Variants in TMEM53 observed in about 807,000 individuals in gnomAD.
TMEM53 encodes the protein transmembrane protein 53.
In TMEM53, 14 loss-of-function variants were observed where a neutral mutation model predicts 21.4. The observed-to-expected ratio is 0.65, with a 90% CI of 0.43 to 1.02. The LOEUF is 1.02. TMEM53 is among the 50% of genes least tolerant of loss of function. The pLI is 0.00. For synonymous variants in TMEM53, 148 were observed against 157.4 expected, an observed-to-expected ratio of 0.94 and a Z score of 0.45; for missense variants, 323 against 383.6, an observed-to-expected ratio of 0.84 and a Z score of 1.32.
At chr1:44,665,362 C>T (rs1216981110) in intron 1 of TMEM53, among the ~76,000 whole-genome samples, 1 of 152,044 alleles carries the variant, frequency 6.6e-6, no homozygotes, top group African/African-American at 2.4e-5. Context: ...CTTTGCCGGG[C>T]GCAGTGGCAC....
chr1:44,657,187 T>C (rs1644858350), intron 2 of TMEM53, among the ~76,000 whole-genome samples: 1 of 152,020 alleles, frequency 6.6e-6, no homozygotes, highest in Admixed American at 6.6e-5. Context: ...GAGTGAGACC[T>C]TGAATCTAAA....
At position 44,660,095 on chromosome 1, in the gene TMEM53, C is replaced by T; in HGVS notation, c.183+79G>A. 10 of 1,534,368 alleles carry T rather than the reference C, an allele frequency of 6.5e-6. No homozygotes were observed. The South Asian group carries it at 1.1e-4, about 17-fold the overall frequency. ...CTGGTCTCGAACTCTAGAGGCTGTT[C>T]TTAAAGCCATTCCCAGTCCTGCCTC... is the stretch of plus-strand genomic sequence containing the variant. On this transcript the variant is annotated intron_variant, in intron 2 of 2. Coordinates refer to ENST00000372237, the MANE Select transcript of TMEM53 (RefSeq NM_024587.4).
chr1:44,664,001 A>C (rs2148534115), intron 1 of TMEM53, among the ~76,000 whole-genome samples: 2 of 152,174 alleles, frequency 1.3e-5, no homozygotes, highest in South Asian at 4.2e-4. Context: ...TCTCTATAAA[A>C]ATTAGTTGGG....
intron 2 of TMEM53, 85 bp downstream of exon 2, chr1:44,660,089 G>C: frequency 6.7e-7 from 1 of 1,503,402 alleles, no homozygotes; most frequent in Non-Finnish European, 9.0e-7. Flanking sequence ...AACTCTAGAG[G>C]CTGTTCTTAA....
At chr1:44,659,580 G>A (rs1644880428) in intron 2 of TMEM53, among the ~76,000 whole-genome samples, 1 of 152,236 alleles carries the variant, frequency 6.6e-6, no homozygotes, top group Non-Finnish European at 1.5e-5. Context: ...TCACCTGGTG[G>A]GAAAGGAGGA....
rs1001996735 is a variant in TMEM53, at chr1:44,653,959, A to G, written c.*600T>C. ...TAAATTTTAAGTATCGTACACACTT[A>G]CAATTTTGTTAGGTGATCTTGGCCA... On this transcript the variant is annotated 3_prime_UTR_variant, in exon 3 of 3. Transcript: ENST00000372237. 6.6e-6 allele frequency: 1 copy of G among 152,490 alleles called. No homozygotes were observed. The highest frequency in any genetic ancestry group is 1.5e-5 in the Non-Finnish European group (1 of 68,256). 9.4% of individuals were successfully genotyped at this position (152,490 alleles called of 1,614,324 possible). A position where few individuals can be genotyped will look rare whatever the true frequency, so the allele number is the denominator to read the frequency against.
Position 44,655,252 on chromosome 1 carries a change from G to T in TMEM53, c.184-43C>A. 6.5e-7 allele frequency: 1 copy of T among 1,544,574 alleles called. No individual in the cohort carries two copies. The highest frequency in any genetic ancestry group is 8.7e-7 in the Non-Finnish European group (1 of 1,145,260). On this transcript the variant is annotated intron_variant, in intron 2 of 2. Coordinates refer to ENST00000372237, the MANE Select transcript of TMEM53 (RefSeq NM_024587.4). This position sits in a 1 kb window ranked among gnomAD's most constrained non-coding sequence, Gnocchi z 4.4. Reference sequence around the variant, plus strand: ...GTCAGTCCTCACAGATGAGGTGGGGGTAGTGGGTACAAGCTAAGGTCAGAG... The same window carrying T: ...GTCAGTCCTCACAGATGAGGTGGGGTTAGTGGGTACAAGCTAAGGTCAGAG...
intron 1 of TMEM53, among the ~76,000 whole-genome samples, chr1:44,662,538 T>C (rs1644911189): frequency 6.6e-6 from 1 of 152,038 alleles, no homozygotes; most frequent in African/African-American, 2.4e-5. Flanking sequence ...AGGCTCAGGC[T>C]GCGGCGGCCT....
At chr1:44,661,324 G>A (rs1205582617) in intron 1 of TMEM53, among the ~76,000 whole-genome samples, 5 of 152,140 alleles carry the variant, frequency 3.3e-5, no homozygotes, top group African/African-American at 9.6e-5. Context: ...TCCATCTCCC[G>A]GGTTCAAGCA....
In TMEM53 at chr1:44,654,871, C is replaced by G. The variant is rs2148527846; in HGVS notation, c.522G>C (p.Leu174=). Residue 174 remains leucine (L), a synonymous_variant, in exon 3 of 3, where the codon CTG becomes CTC. Coordinates refer to ENST00000372237, the MANE Select transcript of TMEM53 (RefSeq NM_024587.4). This position sits in a 1 kb window ranked among gnomAD's most constrained non-coding sequence, Gnocchi z 7.0. The stretch of plus-strand genomic sequence containing the variant: ...GGACGACCACCAGGGCAAAGGCCAC[C>G]AGCAGCAACAGGCGCAGCATGGCGG... ...RRAAMLRLLL[L]VAFALVVVLF... 1.2e-6 allele frequency: 2 copies of G among 1,612,694 alleles called. No individual in the cohort carries two copies. Among genetic ancestry groups the G allele is most frequent in the East Asian group, 2.2e-5 (1 of 44,868 alleles).
chr1:44,664,535 G>T (rs1644931325), intron 1 of TMEM53, among the ~76,000 whole-genome samples: 1 of 151,986 alleles, frequency 6.6e-6, no homozygotes, highest in Non-Finnish European at 1.5e-5. Flanking sequence ...ATACGAAACG[G>T]CTTGCTCAGG....
At chr1:44,663,157 G>A (rs892942632) in intron 1 of TMEM53, among the ~76,000 whole-genome samples, 2 of 152,240 alleles carry the variant, frequency 1.3e-5, no homozygotes, top group Admixed American at 6.5e-5. Flanking sequence ...GGGCTCAAGC[G>A]ATCCTTCTAC....
intron 1 of TMEM53, among the ~76,000 whole-genome samples, chr1:44,666,243 T>C (rs962455862): frequency 5.3e-5 from 8 of 152,202 alleles, no homozygotes; most frequent in African/African-American, 1.9e-4. Flanking sequence ...GTGTTGGTTG[T>C]GGATGAAACC....
intron 1 of TMEM53, among the ~76,000 whole-genome samples, chr1:44,661,903 A>G (rs1644905484): frequency 6.6e-6 from 1 of 152,158 alleles, no homozygotes; most frequent in Non-Finnish European, 1.5e-5. Flanking sequence ...TTCCCCTGCA[A>G]AGTGAATACC....
At chr1:44,670,964 C>CG (rs796597664) in intron 1 of TMEM53, among the ~76,000 whole-genome samples, 26 of 152,320 alleles carry the variant, frequency 1.7e-4, no homozygotes, top group African/African-American at 6.3e-4. Context: ...CGGCCTGGGC[C>CG]TGGGATGTCA....
At chr1:44,661,091 G>C (rs1469397640) in intron 1 of TMEM53, among the ~76,000 whole-genome samples, 1 of 152,088 alleles carries the variant, frequency 6.6e-6, no homozygotes. Flanking sequence ...ATTTACTTAG[G>C]GTCTATGGCT....
chr1:44,660,763 T>TC (rs1366239629), intron 1 of TMEM53, among the ~76,000 whole-genome samples: 1 of 151,082 alleles, frequency 6.6e-6, no homozygotes, highest in Non-Finnish European at 1.5e-5. Context: ...GGCGGACGGA[T>TC]CGTGAGGTCA....
chr1:44,654,464 AG>A lies in TMEM53; in HGVS notation c.*94del. On this transcript the variant is annotated 3_prime_UTR_variant, in exon 3 of 3. Coordinates refer to ENST00000372237, the MANE Select transcript of TMEM53 (RefSeq NM_024587.4). This position sits in a 1 kb window ranked among gnomAD's most constrained non-coding sequence, Gnocchi z 7.0. ...GGACCGCAAAGTCCCAAAGGGCTAC[AG>A]GGAGTTGAACGAGAAGAGTGCCCGA... 2 of 1,437,038 alleles carry A rather than the reference AG, an allele frequency of 1.4e-6. No individual in the cohort carries two copies. The highest frequency in any genetic ancestry group is 1.9e-6 in the Non-Finnish European group (2 of 1,054,198). 89.0% of individuals were successfully genotyped at this position (1,437,038 alleles called of 1,614,324 possible).
In TMEM53 at chr1:44,655,275, G is replaced by A; in HGVS notation, c.184-66C>T. On this transcript the variant is annotated intron_variant, in intron 2 of 2. Transcript: ENST00000372237. This position sits in a 1 kb window ranked among gnomAD's most constrained non-coding sequence, Gnocchi z 4.4. ...GGGTAGTGGGTACAAGCTAAGGTCA[G>A]AGGGGCCCAGCAACCCCAGCCTGTA... 1 of 1,480,306 alleles carries A rather than the reference G, an allele frequency of 6.8e-7. No individual in the cohort carries two copies. The highest frequency in any genetic ancestry group is 9.1e-7 in the Non-Finnish European group (1 of 1,104,248). 91.7% of individuals were successfully genotyped at this position (1,480,306 alleles called of 1,614,324 possible). A position where few individuals can be genotyped will look rare whatever the true frequency, so the allele number is the denominator to read the frequency against.
Sources: allele counts gnomAD v4.1 joint callset (sites outside exome capture counted in the v4.1 genomes callset), GRCh38; gene constraint gnomAD v4.1.1; non-coding constraint Gnocchi (gnomAD v3.1); transcripts MANE v1.5; gene names NCBI Gene and HGNC (gene_info 2026-07-23, HGNC 2026-07-21).